The following CLEC1A variants were observed in gnomAD, a reference collection of about 807,000 sequenced individuals.
CLEC1A encodes C-type lectin-like receptor-1.
Under a neutral mutation model 28.7 loss-of-function variants are expected in CLEC1A, and 34 were observed. The ratio of observed to expected loss-of-function variants is 1.18; its 90% CI spans 0.90 to 1.57. The LOEUF (loss-of-function observed/expected upper bound fraction) is 1.57. Ranked by LOEUF, CLEC1A falls within the 40% of genes most tolerant of loss-of-function variation. The pLI is 0.00. For synonymous variants in CLEC1A, 116 were observed against 121.0 expected (o/e 0.96, Z 0.27); for missense variants, 385 against 339.5 (o/e 1.13, Z -1.05).
rs1420873484 is a variant in CLEC1A, at chr12:10,076,717, C to T, written c.392-1062G>A. ...AAAGGATTATTGTAAAGAGTAAATACGTAAAAAACAGAGTCCAGTTTGTGC... is the reference window on the plus strand; with the variant it reads ...AAAGGATTATTGTAAAGAGTAAATATGTAAAAAACAGAGTCCAGTTTGTGC... On this transcript the variant is annotated intron_variant, in intron 3 of 5. Coordinates refer to ENST00000315330, the MANE Select transcript of CLEC1A (RefSeq NM_016511.4). Among the ~76,000 whole-genome samples, 10 of 152,008 alleles carry T rather than the reference C, an allele frequency of 6.6e-5. No individual in the cohort carries two copies. In the East Asian group the frequency reaches 9.6e-4, roughly 15 times the overall value.
intron 3 of CLEC1A, among the ~76,000 whole-genome samples, chr12:10,077,157 G>A (rs746972136): frequency 3.8e-4 from 58 of 152,254 alleles, no homozygotes; most frequent in Middle Eastern, 3.4e-3. Context: ...AGAGCCTTAT[G>A]TGAAATAGGT....
chr12:10,098,109 G>A (rs963560784), intron 1 of CLEC1A, among the ~76,000 whole-genome samples: 1 of 151,926 alleles, frequency 6.6e-6, no homozygotes, highest in South Asian at 2.1e-4. Flanking sequence ...AGAAAACAAT[G>A]ATATAATCAG....
In CLEC1A at chr12:10,089,214, C is replaced by T. The variant is rs200997403; in HGVS notation, c.124G>A (p.Ala42Thr). The change falls in exon 2 of 6, where the codon GCT becomes ACT. Residue 42 changes from alanine to threonine, a missense_variant. Transcript: ENST00000315330. ...ACTGGTCGCCACGTTGAAGAGGGAGCCCTGTGCTCTGCAGGGAACAGAAGA... is the reference window on the plus strand; with the variant it reads ...ACTGGTCGCCACGTTGAAGAGGGAGTCCTGTGCTCTGCAGGGAACAGAAGA... The part of the protein sequence containing the change: ...HPEPRRTEHR[A>T]PSSTWRPVAL... 33 of 1,613,744 alleles carry T rather than the reference C, an allele frequency of 2.0e-5. 1 individual carries two copies. The African/African-American group carries it at 2.9e-4, about 14-fold the overall frequency.
chr12:10,084,820 T>TAAAAAA (rs1565604308), intron 2 of CLEC1A, among the ~76,000 whole-genome samples: 1 of 9,604 alleles, frequency 1.0e-4, no homozygotes, highest in Non-Finnish European at 3.2e-4. Flanking sequence ...AGACTCTGTA[T>TAAAAAA]CAAAAAAAAA....
In CLEC1A at chr12:10,098,837, G is replaced by A. The variant is rs765052318; in HGVS notation, c.86C>T (p.Thr29Ile). Reference protein sequence around the residue: ...TMSLHSQGSATTRHPEPRRTE... With the variant: ...TMSLHSQGSAITRHPEPRRTE... ...GCGCCGGGGCTCTGGATGCCGAGTT[G>A]TGGCAGAGCCTTGAGAATGCAGGCT... The change falls in exon 1 of 6, where the codon ACA becomes ATA. Residue 29 changes from threonine to isoleucine, a missense_variant. Coordinates refer to ENST00000315330, the MANE Select transcript of CLEC1A (RefSeq NM_016511.4). 6.2e-7 allele frequency: 1 copy of A among 1,613,550 alleles called. No homozygotes were observed. Among genetic ancestry groups the A allele is most frequent in the South Asian group, 1.1e-5 (1 of 90,902 alleles).
At chr12:10,081,870 C>G (rs556610906) in intron 2 of CLEC1A, among the ~76,000 whole-genome samples, 34 of 152,130 alleles carry the variant, frequency 2.2e-4, no homozygotes, top group South Asian at 1.7e-3. Flanking sequence ...TAATGGGGAA[C>G]CTGAAAATCT....
At chr12:10,091,199 T>A (rs1947698818) in intron 1 of CLEC1A, among the ~76,000 whole-genome samples, 1 of 152,204 alleles carries the variant, frequency 6.6e-6, no homozygotes, top group Non-Finnish European at 1.5e-5. Context: ...TAACATTCCA[T>A]TACAACAATG....
rs904454708 is a variant in CLEC1A, at chr12:10,075,376, C to G, written c.543+128G>C. 5.6e-6 allele frequency: 5 copies of G among 898,920 alleles called. No individual in the cohort carries two copies. In the African/African-American group the frequency reaches 6.7e-5, roughly 12 times the overall value. The allele number at this position is 898,920 out of a possible 1,614,324, so 55.7% of individuals were successfully genotyped here. A position where few individuals can be genotyped will look rare whatever the true frequency, so the allele number is the denominator to read the frequency against. ...CGTTCAAAGCAATAGGAATAAGACTCAGGCCCTGATCGAAACAGGTTCGAA... is the reference window on the plus strand; with the variant it reads ...CGTTCAAAGCAATAGGAATAAGACTGAGGCCCTGATCGAAACAGGTTCGAA... On this transcript the variant is annotated intron_variant, in intron 4 of 5. Transcript: ENST00000315330.
chr12:10,093,317 G>A (rs1320937673), intron 1 of CLEC1A, among the ~76,000 whole-genome samples: 2 of 149,482 alleles, frequency 1.3e-5, no homozygotes, highest in Admixed American at 1.3e-4. Context: ...TTAGAAAGGG[G>A]TGTGGACAGG....
At chr12:10,088,730 C>T (rs61918621) in intron 2 of CLEC1A, among the ~76,000 whole-genome samples, 11,915 of 151,864 alleles carry the variant, frequency 0.078, 567 homozygotes, top group African/African-American at 0.096. Context: ...TGATGGTACC[C>T]GTGGCTCTAT....
At chr12:10,083,992 C>T (rs938534906) in intron 2 of CLEC1A, among the ~76,000 whole-genome samples, 3 of 90,882 alleles carry the variant, frequency 3.3e-5, no homozygotes, top group African/African-American at 1.2e-4. Context: ...CTGACAAAGA[C>T]AAAGATAATA....
At chr12:10,079,878 T>TCTTA (rs1434405098) in intron 3 of CLEC1A, among the ~76,000 whole-genome samples, 1 of 152,046 alleles carries the variant, frequency 6.6e-6, no homozygotes, top group African/African-American at 2.4e-5. Context: ...TGAGATAGTA[T>TCTTA]CTTACTATAT....
intron 1 of CLEC1A, among the ~76,000 whole-genome samples, chr12:10,096,492 C>T (rs1284689656): frequency 6.6e-6 from 1 of 152,118 alleles, no homozygotes; most frequent in Non-Finnish European, 1.5e-5. Flanking sequence ...TTTCATATAC[C>T]TTCAACTTAT....
chr12:10,083,901 TAGA>T (rs1173757924), intron 2 of CLEC1A, among the ~76,000 whole-genome samples: 3 of 151,790 alleles, frequency 2.0e-5, no homozygotes, highest in African/African-American at 4.8e-5. Context: ...GAAAATGCAG[TAGA>T]AGGTTTCAAC....
chr12:10,071,566 A>T, intron 5 of CLEC1A, 53 bp from the exon 6 acceptor site: 1 of 1,360,032 alleles, frequency 7.4e-7, no homozygotes, highest in Non-Finnish European at 1.0e-6. Flanking sequence ...CTAAAATAAA[A>T]TATTAAATAC....
At chr12:10,077,309 C>A (rs770903354) in intron 3 of CLEC1A, among the ~76,000 whole-genome samples, 1 of 152,084 alleles carries the variant, frequency 6.6e-6, no homozygotes, top group East Asian at 1.9e-4. Context: ...TCATTTCTCT[C>A]TATATACATA....
intron 3 of CLEC1A, among the ~76,000 whole-genome samples, chr12:10,077,358 G>A (rs1866272405): frequency 6.6e-6 from 1 of 151,952 alleles, no homozygotes; most frequent in African/African-American, 2.4e-5. Context: ...TAGATATACA[G>A]ATACATATAC....
intron 1 of CLEC1A, among the ~76,000 whole-genome samples, chr12:10,093,230 G>T (rs1947729718): frequency 6.6e-6 from 1 of 151,976 alleles, no homozygotes; most frequent in Non-Finnish European, 1.5e-5. Context: ...TGCCTAGGAG[G>T]TCGCTTGAGT....
At chr12:10,087,358 A>G (rs1866516472) in intron 2 of CLEC1A, among the ~76,000 whole-genome samples, 1 of 150,320 alleles carries the variant, frequency 6.7e-6, no homozygotes, top group Non-Finnish European at 1.5e-5. Flanking sequence ...AGAATTAAAA[A>G]CAAAAATCCT....
Sources: gnomAD v4.1 joint callset for allele counts (sites outside exome capture counted in the v4.1 genomes callset) on GRCh38, gnomAD v4.1.1 for gene constraint, MANE v1.5 for transcripts, NCBI Gene and HGNC (gene_info 2026-07-23, HGNC 2026-07-21) for gene names.